The following CAST variants were observed in gnomAD, a reference collection of about 807,000 sequenced individuals.
CAST encodes calpastatin.
Under a neutral mutation model 119.6 loss-of-function variants are expected in CAST, and 76 were observed. That is an observed-to-expected ratio of 0.64 (90% confidence interval 0.53 to 0.77). CAST has a LOEUF of 0.77. CAST is among the 30% of genes least tolerant of loss of function. The pLI, the probability that CAST is intolerant of heterozygous loss-of-function variation, is 0.00. For synonymous variants in CAST, 319 were observed against 331.6 expected, an observed-to-expected ratio of 0.96 and a Z score of 0.41; for missense variants, 953 against 946.5, an observed-to-expected ratio of 1.01 and a Z score of -0.09.
chr5:96,553,294 G>C (rs1383259581), intron 1 of CAST, among the ~76,000 whole-genome samples: 3 of 152,132 alleles, frequency 2.0e-5, no homozygotes, highest in Non-Finnish European at 4.4e-5. Context: ...CACATAAACA[G>C]AACCAATGAC....
chr5:96,380,009 T>C, the CAST span, among the ~76,000 whole-genome samples: 2 of 152,188 alleles, frequency 1.3e-5, no homozygotes, highest in Non-Finnish European at 2.9e-5. Flanking sequence ...CTGTATCACA[T>C]GAGCTTGCCT....
At chr5:96,006,485 G>T in the CAST span, among the ~76,000 whole-genome samples, 2,785 of 152,258 alleles carry the variant, frequency 0.018, 79 homozygotes, top group African/African-American at 0.063. Context: ...CCCAGGTTGT[G>T]TGCTGTGTCA....
At chr5:96,371,764 T>A in the CAST span, among the ~76,000 whole-genome samples, 1 of 152,218 alleles carries the variant, frequency 6.6e-6, no homozygotes, top group African/African-American at 2.4e-5. Context: ...CAGTCTATAC[T>A]GGTCTTTAAA....
chr5:96,270,711 G>A, the CAST span, among the ~76,000 whole-genome samples: 2 of 152,052 alleles, frequency 1.3e-5, no homozygotes, highest in South Asian at 4.2e-4. Flanking sequence ...TATCCGAGGG[G>A]GTGAGGTTGG....
chr5:96,706,111 C>T (rs890935381), intron 3 of CAST, among the ~76,000 whole-genome samples: 26 of 152,084 alleles, frequency 1.7e-4, no homozygotes, highest in African/African-American at 5.6e-4. Context: ...TTAGTTTTAT[C>T]GTAATATGAA....
At chr5:96,750,312 G>T (rs1274027860) in intron 19 of CAST, among the ~76,000 whole-genome samples, 1 of 152,102 alleles carries the variant, frequency 6.6e-6, no homozygotes, top group Non-Finnish European at 1.5e-5. Flanking sequence ...TTCAGATGTG[G>T]ATACTGTCAT....
chr5:96,176,846 C>T, the CAST span, among the ~76,000 whole-genome samples: 1 of 152,134 alleles, frequency 6.6e-6, no homozygotes, highest in East Asian at 1.9e-4. Flanking sequence ...TAATTTGGAG[C>T]TCAATGGAAT....
chr5:96,201,612 A>G, the CAST span, among the ~76,000 whole-genome samples: 11 of 152,010 alleles, frequency 7.2e-5, no homozygotes, highest in Non-Finnish European at 1.2e-4. Context: ...ATTTTTCCCT[A>G]TGGGACCACC....
chr5:95,962,787 C>T, the CAST span, among the ~76,000 whole-genome samples: 2 of 152,154 alleles, frequency 1.3e-5, no homozygotes, highest in Non-Finnish European at 2.9e-5. Context: ...GAAACCTCGA[C>T]AATTCTCATT....
the CAST span, among the ~76,000 whole-genome samples, chr5:96,197,769 T>TTG: frequency 3.3e-5 from 5 of 151,996 alleles, no homozygotes; most frequent in Admixed American, 6.6e-5. Flanking sequence ...AGACATTTTT[T>TTG]TGTGTGTGTG....
At chr5:96,414,534 G>T in the CAST span, among the ~76,000 whole-genome samples, 10 of 152,258 alleles carry the variant, frequency 6.6e-5, no homozygotes, top group Non-Finnish European at 1.2e-4. Flanking sequence ...CATACAATAG[G>T]TGCCTAATAA....
the CAST span, among the ~76,000 whole-genome samples, chr5:96,198,872 G>A: frequency 7.8e-3 from 1,185 of 152,074 alleles, 21 homozygotes; most frequent in African/African-American, 0.028. Context: ...ATTACATCAT[G>A]GTTTCCCCAA....
At chr5:96,211,086 T>A in the CAST span, among the ~76,000 whole-genome samples, 9 of 152,012 alleles carry the variant, frequency 5.9e-5, no homozygotes, top group Admixed American at 5.3e-4. Context: ...TAGGAACTTT[T>A]GTGTAGGCAA....
At chr5:96,564,523 C>T (rs1746435012) in intron 1 of CAST, among the ~76,000 whole-genome samples, 3 of 152,166 alleles carry the variant, frequency 2.0e-5, no homozygotes, top group African/African-American at 4.8e-5. Flanking sequence ...GACTTTTATC[C>T]AGATAATACC....
intron 1 of CAST, among the ~76,000 whole-genome samples, chr5:96,626,485 G>T (rs1747726204): frequency 6.6e-6 from 1 of 152,028 alleles, no homozygotes; most frequent in South Asian, 2.1e-4. Context: ...TCCTCACTTG[G>T]GCCTGCTTTG....
chr5:96,282,855 C>T, the CAST span, among the ~76,000 whole-genome samples: 1 of 152,018 alleles, frequency 6.6e-6, no homozygotes, highest in Non-Finnish European at 1.5e-5. Context: ...GTTGGCCGGG[C>T]GCGGTGGCTC....
chr5:96,074,496 A>G, the CAST span, among the ~76,000 whole-genome samples: 3 of 152,212 alleles, frequency 2.0e-5, no homozygotes, highest in Admixed American at 6.5e-5. Flanking sequence ...CCCTCACCAG[A>G]AACCAATTAT....
chr5:96,329,338 A>G, the CAST span, among the ~76,000 whole-genome samples: 1 of 152,224 alleles, frequency 6.6e-6, no homozygotes, highest in Non-Finnish European at 1.5e-5. Context: ...CTCAACCACA[A>G]AGCTTTCTCT....
the CAST span, among the ~76,000 whole-genome samples, chr5:96,439,332 C>T: frequency 8.2e-6 from 1 of 122,654 alleles, no homozygotes; most frequent in African/African-American, 2.6e-5. Flanking sequence ...TAGAAGCAAT[C>T]ACAAAAAATT....
Sources: gnomAD v4.1 joint callset for allele counts (sites outside exome capture counted in the v4.1 genomes callset) on GRCh38, gnomAD v4.1.1 for gene constraint, MANE v1.5 for transcripts, NCBI Gene and HGNC (gene_info 2026-07-23, HGNC 2026-07-21) for gene names.